The following WDR19 variants were observed in gnomAD, a reference collection of about 807,000 sequenced individuals.
The protein encoded by WDR19 is WD repeat domain 19.
WDR19 carries 121 observed loss-of-function variants against 180.0 expected under a neutral mutation model. The observed-to-expected ratio is 0.67, with a 90% confidence interval of 0.58 to 0.78. The LOEUF is 0.78. Among genes scored for constraint, WDR19 ranks in the 30% least tolerant of loss-of-function variants. WDR19 has a pLI of 0.00. For missense variants in WDR19, 1,450 were observed against 1,640.7 expected (o/e 0.88, Z 2.01); for synonymous variants, 497 against 540.7 (o/e 0.92, Z 1.12).
Position 39,268,012 on chromosome 4 carries a change from C to A in WDR19, c.3279C>A (p.Phe1093Leu). 1 of 1,604,312 alleles carries A rather than the reference C, an allele frequency of 6.2e-7. No homozygotes were observed. Among genetic ancestry groups the A allele is most frequent in the Admixed American group, 1.7e-5 (1 of 58,772 alleles). Residue 1093 changes from phenylalanine to leucine, a missense_variant, in exon 30 of 37, where the codon TTC becomes TTA. Physicochemically the swap from Phe to Leu is conservative, Grantham distance 22. Transcript: ENST00000399820. ...DGMPKDAKYLFRLYMALKQYR... is the reference protein window; with the variant it reads ...DGMPKDAKYLLRLYMALKQYR... ...TGTGTCAGGATGCCAAGTACCTGTT[C>A]CGCTTGTACATGGCTCTGAAGCAAT...
At position 39,218,055 on chromosome 4, in the gene WDR19, C is replaced by T. The variant is rs771411868; in HGVS notation, c.1429C>T (p.Arg477Cys). The change falls in exon 14 of 37, where the codon CGT (arginine) becomes TGT (cysteine). Residue 477 changes from arginine (R) to cysteine (C), a missense_variant. Transcript: ENST00000399820. ...TTTCCCAGCAGTGGATGATAAGTGC[C>T]GTATCTTATGCCATGCCTTAACTAG... ...RLFPAVDDKCRILCHALTSDF... is the reference protein window; with the variant it reads ...RLFPAVDDKCCILCHALTSDF... The T allele has an allele frequency of 7.4e-6, 12 of 1,613,914 alleles. No individual in the cohort carries two copies. The highest frequency in any genetic ancestry group is 3.3e-5 in the South Asian group (3 of 91,076).
intron 9 of WDR19, 116 bp downstream of exon 9, chr4:39,205,852 A>G (rs1475267443): frequency 3.1e-6 from 3 of 980,948 alleles, no homozygotes; most frequent in Admixed American, 3.0e-5. Flanking sequence ...TAAAACGTCT[A>G]AGACTACTTT....
intron 36 of WDR19, among the ~76,000 whole-genome samples, chr4:39,282,947 A>G (rs1057037919): frequency 3.3e-5 from 5 of 152,196 alleles, no homozygotes; most frequent in Non-Finnish European, 5.9e-5. Context: ...TACACAAAAA[A>G]TTTACTTATC....
Position 39,205,945 on chromosome 4 carries a change from G to C in WDR19, c.890+209G>C, listed in dbSNP as rs1318847633. ...TCTTAAAAATAAAATAGGTAGTTCTGGGTAACATGGAGTAAGCACACTCCA... is the reference window on the plus strand; with the variant it reads ...TCTTAAAAATAAAATAGGTAGTTCTCGGTAACATGGAGTAAGCACACTCCA... On this transcript the variant is annotated intron_variant, in intron 9 of 36. Coordinates refer to ENST00000399820, the MANE Select transcript of WDR19 (RefSeq NM_025132.4). 1.4e-5 allele frequency: 7 copies of C among 499,136 alleles called. No homozygotes were observed. In the East Asian group the frequency reaches 2.1e-4, roughly 15 times the overall value. 30.9% of individuals were successfully genotyped at this position (499,136 alleles called of 1,614,324 possible).
rs1386170837 is a variant in WDR19, at chr4:39,231,813, G to A, written c.1999G>A (p.Glu667Lys). 6.3e-7 allele frequency: 1 copy of A among 1,583,182 alleles called. No individual in the cohort carries two copies. Reference sequence around the variant, plus strand: ...ACATCCCAGGTTTTCTGATGCTTGGGAAATGTGCAGGATTCTGAATGATGA... The same window carrying A: ...ACATCCCAGGTTTTCTGATGCTTGGAAAATGTGCAGGATTCTGAATGATGA... ...LMLKRFSDAW[E>K]MCRILNDEAA... Residue 667 changes from glutamate (E) to lysine (K), a missense_variant, in exon 18 of 37, where the codon GAA (glutamate) becomes AAA (lysine). Glu to Lys is a moderately conservative substitution (Grantham distance 56). Coordinates refer to ENST00000399820, the MANE Select transcript of WDR19 (RefSeq NM_025132.4).
intron 9 of WDR19, among the ~76,000 whole-genome samples, chr4:39,210,808 A>G (rs1298024536): frequency 2.0e-5 from 3 of 152,214 alleles, no homozygotes; most frequent in South Asian, 4.1e-4. Flanking sequence ...ACTCTCAGCA[A>G]GTTAGGAATA....
chr4:39,194,585 T>G lies in WDR19; in HGVS notation c.332T>G (p.Phe111Cys), dbSNP rs1726518430. The change falls in exon 5 of 37, where the codon TTC (phenylalanine) becomes TGC (cysteine). Residue 111 changes from phenylalanine (F) to cysteine (C), a missense_variant. Coordinates refer to ENST00000399820, the MANE Select transcript of WDR19 (RefSeq NM_025132.4). ...CTTCTTTGGTCAAAAGTTGGAAGTT[T>G]CCTGGCTGTTGGAACTGTTAAAGGA... ...SFLLWSKVGS[F>C]LAVGTVKGNL... The G allele has an allele frequency of 6.2e-7, 1 of 1,613,292 alleles. No homozygotes were observed. The highest frequency in any genetic ancestry group is 1.3e-5 in the African/African-American group (1 of 74,934).
intron 24 of WDR19, among the ~76,000 whole-genome samples, chr4:39,247,041 G>A (rs1732599945): frequency 6.6e-6 from 1 of 152,216 alleles, no homozygotes; most frequent in African/African-American, 2.4e-5. Flanking sequence ...ATCTGAGAAT[G>A]GGCAGACTGC....
chr4:39,192,963 TG>T (rs1265751326), intron 4 of WDR19, among the ~76,000 whole-genome samples: 2 of 152,240 alleles, frequency 1.3e-5, no homozygotes, highest in African/African-American at 4.8e-5. Flanking sequence ...GCCTAGCAGC[TG>T]GGGCTCATGG....
At chr4:39,227,649 G>A (rs73238556) in intron 15 of WDR19, among the ~76,000 whole-genome samples, 1 of 152,150 alleles carries the variant, frequency 6.6e-6, no homozygotes, top group Non-Finnish European at 1.5e-5. Context: ...TTTATTCAGG[G>A]ATTTGGCCAT....
intron 14 of WDR19, among the ~76,000 whole-genome samples, chr4:39,224,253 A>G (rs1038245290): frequency 1.3e-5 from 2 of 152,202 alleles, no homozygotes; most frequent in Non-Finnish European, 2.9e-5. Context: ...AGTTACTCCT[A>G]TATAATAGGG....
rs371471753 is a variant in WDR19, at chr4:39,182,551, C to T, written c.-7C>T. Reference sequence around the variant, plus strand: ...TTCATAGTTCGCGTAGCGGCTCGAGCGTGGAGATGAAGGTAAATAACTTAC... The same window carrying T: ...TTCATAGTTCGCGTAGCGGCTCGAGTGTGGAGATGAAGGTAAATAACTTAC... On this transcript the variant is annotated 5_prime_UTR_variant, in exon 1 of 37. Transcript: ENST00000399820. 3 of 1,613,518 alleles carry T rather than the reference C, an allele frequency of 1.9e-6. No homozygotes were observed. Among genetic ancestry groups the T allele is most frequent in the East Asian group, 4.5e-5 (2 of 44,870 alleles).
chr4:39,193,358 C>G (rs1437112275), intron 4 of WDR19, among the ~76,000 whole-genome samples: 1 of 151,920 alleles, frequency 6.6e-6, no homozygotes, highest in East Asian at 1.9e-4. Flanking sequence ...GACGGGTTCA[C>G]CATAATGGCC....
chr4:39,228,441 C>G, intron 16 of WDR19, 45 bp from the exon 17 acceptor site: 1 of 1,604,952 alleles, frequency 6.2e-7, no homozygotes, highest in South Asian at 1.1e-5. Context: ...GATGTTTGTG[C>G]TGAGTATTAG....
chr4:39,280,696 G>C (rs1320818195), intron 36 of WDR19, among the ~76,000 whole-genome samples: 1 of 151,258 alleles, frequency 6.6e-6, no homozygotes, highest in Admixed American at 6.6e-5. Flanking sequence ...GTGGCATGCA[G>C]CTGTTATCCC....
chr4:39,228,080 T>C, intron 15 of WDR19, 130 bp from the exon 16 acceptor site: 1 of 885,794 alleles, frequency 1.1e-6, no homozygotes, highest in Non-Finnish European at 1.7e-6. Flanking sequence ...CCTGTTGTTG[T>C]TGGAGTGATG....
At position 39,278,363 on chromosome 4, in the gene WDR19, A is replaced by G. The variant is rs745835616; in HGVS notation, c.3917+156A>G. On this transcript the variant is annotated intron_variant, in intron 35 of 36. Coordinates refer to ENST00000399820, the MANE Select transcript of WDR19 (RefSeq NM_025132.4). The stretch of plus-strand genomic sequence containing the variant: ...GGAAGAACCTCCTGTGACCTTTGAG[A>G]ATATTATCTTTAAAGAGGATCTTGC... 293 of 846,730 alleles carry G rather than the reference A, an allele frequency of 3.5e-4. 1 individual carries two copies. Among genetic ancestry groups the G allele is most frequent in the Non-Finnish European group, 4.7e-4 (257 of 545,654 alleles). 52.5% of individuals were successfully genotyped at this position (846,730 alleles called of 1,614,324 possible).
chr4:39,231,315 CAAAAAAAAAAAAAA>C (rs56002679), intron 17 of WDR19, among the ~76,000 whole-genome samples: 1 of 87,282 alleles, frequency 1.1e-5, no homozygotes, highest in Non-Finnish European at 2.4e-5. Flanking sequence ...ACTCCGTCTT[CAAAAAAAAAAAAAA>C]AAAAAAAAGA....
intron 9 of WDR19, among the ~76,000 whole-genome samples, chr4:39,211,504 A>T (rs907322715): frequency 6.6e-5 from 10 of 152,180 alleles, no homozygotes; most frequent in African/African-American, 2.4e-4. Context: ...AATGAGTTTT[A>T]GTTTATTTTT....
Sources: allele counts gnomAD v4.1 joint callset (sites outside exome capture counted in the v4.1 genomes callset), GRCh38; gene constraint gnomAD v4.1.1; transcripts MANE v1.5; gene names NCBI Gene and HGNC (gene_info 2026-07-23, HGNC 2026-07-21).